ZFPM1: variants seen among roughly 807,000 people sequenced by gnomAD.
ZFPM1 encodes zinc finger protein, FOG family member 1.
Under a neutral mutation model 46.3 loss-of-function variants are expected in ZFPM1, and 28 were observed. That is an observed-to-expected ratio of 0.60 (90% CI 0.45 to 0.83). ZFPM1 has a LOEUF of 0.83. ZFPM1 is among the 40% of genes least tolerant of loss of function. ZFPM1 has a pLI of 0.00. For missense variants in ZFPM1, 1,878 were observed against 1,432.4 expected (o/e 1.31, Z -5.02); for synonymous variants, 957 against 675.9 (o/e 1.42, Z -6.45).
rs1555523490 is a variant in ZFPM1 at position 88,475,513 on chromosome 16, C to CT, written c.41-10426_41-10425insT. Among the ~76,000 whole-genome samples, 781 of 146,734 alleles carry CT rather than the reference C, an allele frequency of 5.3e-3. 8 individuals are homozygous for CT. Among genetic ancestry groups the CT allele is most frequent in the African/African-American group, 0.019 (739 of 39,760 alleles). ...GTAACCCTGAGCAGGGGCAGGGGTC[C>CT]GGGGGGGGGAGCACAGCCAAGAAAA... On this transcript the variant is annotated intron_variant, in intron 1 of 9. Coordinates refer to ENST00000319555, the MANE Select transcript of ZFPM1 (RefSeq NM_153813.3).
chr16:88,497,653 G>T lies in ZFPM1; in HGVS notation c.268+8500G>T, dbSNP rs1479611202. Among the ~76,000 whole-genome samples, 1 of 152,142 alleles carries T rather than the reference G, an allele frequency of 6.6e-6. No homozygotes were observed. The highest frequency in any genetic ancestry group is 2.4e-5 in the African/African-American group (1 of 41,426). On this transcript the variant is annotated intron_variant, in intron 3 of 9. Coordinates refer to ENST00000319555, the MANE Select transcript of ZFPM1 (RefSeq NM_153813.3). The surrounding 1 kb of genome is among the most constrained non-coding windows in gnomAD (Gnocchi z 5.4). ...GTTTTGTGGGGGGTGTTCGTGCCGTGAGCGATCCGGTCCAGCATCCCGGCG... is the reference window on the plus strand; with the variant it reads ...GTTTTGTGGGGGGTGTTCGTGCCGTTAGCGATCCGGTCCAGCATCCCGGCG...
At chr16:88,461,245 C>CCT (rs1275519529) in intron 1 of ZFPM1, among the ~76,000 whole-genome samples, 3 of 101,684 alleles carry the variant, frequency 3.0e-5, no homozygotes, top group Admixed American at 2.9e-4. Context: ...AGGGGTGGGG[C>CCT]GGGAGGCCCT....
intron 1 of ZFPM1, among the ~76,000 whole-genome samples, chr16:88,462,234 G>A (rs577314018): frequency 2.4e-4 from 37 of 152,220 alleles, no homozygotes; most frequent in Non-Finnish European, 5.0e-4. Flanking sequence ...GCTGTGAAAT[G>A]GGTGTTGGGG....
intron 3 of ZFPM1, among the ~76,000 whole-genome samples, chr16:88,504,879 C>A (rs1038291316): frequency 1.3e-5 from 2 of 152,156 alleles, no homozygotes; most frequent in Non-Finnish European, 2.9e-5. Context: ...TTAGAGACAC[C>A]CCCTCCCCAG....
In ZFPM1 at chr16:88,461,150, CGAGGGG is replaced by C. The variant is rs1567525757; in HGVS notation, c.40+7473_40+7478del. On this transcript the variant is annotated intron_variant, in intron 1 of 9. Coordinates refer to ENST00000319555, the MANE Select transcript of ZFPM1 (RefSeq NM_153813.3). Reference sequence around the variant, plus strand: ...ATGGGGCGGGAGACCTGGTGAGGACCGAGGGGCGGGAGACCTGGTGAGGACCGAGGG... The same window carrying C: ...ATGGGGCGGGAGACCTGGTGAGGACCCGGGAGACCTGGTGAGGACCGAGGG... Among the ~76,000 whole-genome samples the C allele has an allele frequency of 1.2e-4, 6 of 51,018 alleles. 1 individual carries two copies. Among genetic ancestry groups the C allele is most frequent in the East Asian group, 7.3e-4 (1 of 1,364 alleles). 33.5% of individuals were successfully genotyped at this position (51,018 alleles called of 152,430 possible).
intron 1 of ZFPM1, among the ~76,000 whole-genome samples, chr16:88,455,692 C>G (rs1015564313): frequency 1.3e-5 from 2 of 152,092 alleles, no homozygotes; most frequent in African/African-American, 4.8e-5. Context: ...CCTTTTGTTC[C>G]GTGCGGAGAT....
chr16:88,508,060 G>T (rs376960335), intron 3 of ZFPM1, among the ~76,000 whole-genome samples: 10 of 152,246 alleles, frequency 6.6e-5, no homozygotes, highest in African/African-American at 2.2e-4. Flanking sequence ...ACTTGGGGAG[G>T]CTGAGGTGGG....
At position 88,486,147 on chromosome 16, in the gene ZFPM1, C is replaced by T. The variant is rs566323949; in HGVS notation, c.145+104C>T. 4.3e-4 allele frequency: 513 copies of T among 1,205,394 alleles called. 1 individual carries two copies. Among genetic ancestry groups the T allele is most frequent in the Non-Finnish European group, 4.5e-4 (384 of 854,898 alleles). The allele number at this position is 1,205,394 out of a possible 1,614,324, so 74.7% of individuals were successfully genotyped here. Reference sequence around the variant, plus strand: ...GTGGTGTCTGAGAGGTGTGGGCCAACTATATGCAGGAGTCCAGGACAGGCG... The same window carrying T: ...GTGGTGTCTGAGAGGTGTGGGCCAATTATATGCAGGAGTCCAGGACAGGCG... On this transcript the variant is annotated intron_variant, in intron 2 of 9. Coordinates refer to ENST00000319555, the MANE Select transcript of ZFPM1 (RefSeq NM_153813.3).
At chr16:88,502,231 T>C (rs1443385720) in intron 3 of ZFPM1, among the ~76,000 whole-genome samples, 1 of 152,094 alleles carries the variant, frequency 6.6e-6, no homozygotes, top group Non-Finnish European at 1.5e-5. Flanking sequence ...CGCCATCGGC[T>C]CGAGGGCTGG....
Position 88,533,232 on chromosome 16 carries a change from C to T in ZFPM1, c.1274C>T (p.Ser425Leu), listed in dbSNP as rs1597290678. The change falls in exon 10 of 10, where the codon TCG becomes TTG. Residue 425 changes from serine to leucine, a missense_variant. Transcript: ENST00000319555. ...GACCTGGGCCTGGCGCCCACCCCAT[C>T]GCCAGGACTGGACAGAAAGGCCCTG... is the stretch of plus-strand genomic sequence containing the variant. ...SADLGLAPTP[S>L]PGLDRKALAE... is the part of the protein sequence containing the mutation. 1 of 1,562,442 alleles carries T rather than the reference C, an allele frequency of 6.4e-7. No homozygotes were observed. Among genetic ancestry groups the T allele is most frequent in the Non-Finnish European group, 8.6e-7 (1 of 1,161,782 alleles).
At chr16:88,473,663 C>T (rs553051938) in intron 1 of ZFPM1, among the ~76,000 whole-genome samples, 5 of 152,272 alleles carry the variant, frequency 3.3e-5, no homozygotes, top group African/African-American at 1.2e-4. Context: ...CCCCATCTAT[C>T]AGCCCTTATC....
chr16:88,524,930 C>T (rs1010640049), intron 4 of ZFPM1, among the ~76,000 whole-genome samples: 1 of 152,104 alleles, frequency 6.6e-6, no homozygotes. Context: ...TTGCACCCAC[C>T]CCAGCCAGGG....
At position 88,526,453 on chromosome 16, in the gene ZFPM1, A is replaced by ACAGATACG. The variant is rs34122484; in HGVS notation, c.403-356_403-349dup. On this transcript the variant is annotated intron_variant, in intron 4 of 9. Transcript: ENST00000319555. ...AGGGTGGGCGAGCAGTGGGGAGAAC[A>ACAGATACG]CAGATACGCAGACCCGGGTGTGAGT... Among the ~76,000 whole-genome samples the ACAGATACG allele has an allele frequency of 5.9e-3, 897 of 152,156 alleles. 9 individuals carry two copies. The highest frequency in any genetic ancestry group is 0.019 in the African/African-American group (779 of 41,514).
At chr16:88,519,324 G>GATGGATGAGTGGATAGATGA (rs1325894986) in intron 4 of ZFPM1, among the ~76,000 whole-genome samples, 3 of 150,092 alleles carry the variant, frequency 2.0e-5, no homozygotes, top group Non-Finnish European at 3.0e-5. Flanking sequence ...GGAGTGGATA[G>GATGGATGAGTGGATAGATGA]ATGGATGAGT....
At chr16:88,495,826 TAG>T (rs1909901331) in intron 3 of ZFPM1, among the ~76,000 whole-genome samples, 3 of 152,074 alleles carry the variant, frequency 2.0e-5, no homozygotes, top group Non-Finnish European at 4.4e-5. Context: ...TCTCGGGGCC[TAG>T]AGCTTTTTCC....
intron 3 of ZFPM1, among the ~76,000 whole-genome samples, chr16:88,510,957 G>A (rs1401400777): frequency 5.9e-5 from 9 of 152,178 alleles, no homozygotes; most frequent in African/African-American, 2.2e-4. Flanking sequence ...TCCGTGGGGC[G>A]GGCACTCATG....
Position 88,487,689 on chromosome 16 carries a change from C to T in ZFPM1, c.146-1342C>T, listed in dbSNP as rs979736838. 2.6e-5 allele frequency among the ~76,000 whole-genome samples: 4 copies of T among 152,104 alleles called. No homozygotes were observed. In the South Asian group the frequency reaches 6.2e-4, roughly 24 times the overall value. On this transcript the variant is annotated intron_variant, in intron 2 of 9. Coordinates refer to ENST00000319555, the MANE Select transcript of ZFPM1 (RefSeq NM_153813.3). ...GTGTCAGGGTCCCCGCTGGGTGGGC[C>T]GCGGCCCCAAGAGCCCAGCAGGCCT...
rs1479611202 is a variant in ZFPM1 at position 88,497,653 on chromosome 16, G to A, written c.268+8500G>A. ...GTTTTGTGGGGGGTGTTCGTGCCGT[G>A]AGCGATCCGGTCCAGCATCCCGGCG... On this transcript the variant is annotated intron_variant, in intron 3 of 9. Transcript: ENST00000319555. The surrounding 1 kb of genome is among the most constrained non-coding windows in gnomAD (Gnocchi z 5.4). Among the ~76,000 whole-genome samples, 1 of 152,142 alleles carries A rather than the reference G, an allele frequency of 6.6e-6. No individual in the cohort carries two copies. Among genetic ancestry groups the A allele is most frequent in the African/African-American group, 2.4e-5 (1 of 41,426 alleles).
rs142720704 is a variant in ZFPM1 at position 88,466,308 on chromosome 16, A to G, written c.40+12630A>G. Among the ~76,000 whole-genome samples the G allele has an allele frequency of 5.3e-3, 810 of 152,286 alleles. 7 individuals are homozygous for G. The highest frequency in any genetic ancestry group is 0.018 in the African/African-American group (766 of 41,544). ...GCATGGAGTACTCTGCAGCCCTGGG[A>G]GGGGCGCCTATGACCTCATTCTCCT... On this transcript the variant is annotated intron_variant, in intron 1 of 9. Transcript: ENST00000319555.
Sources: allele counts gnomAD v4.1 joint callset (sites outside exome capture counted in the v4.1 genomes callset), GRCh38; gene constraint gnomAD v4.1.1; non-coding constraint Gnocchi (gnomAD v3.1); transcripts MANE v1.5; gene names NCBI Gene and HGNC (gene_info 2026-07-23, HGNC 2026-07-21).